Variants in UNC5C observed in about 807,000 individuals in gnomAD.
UNC5C encodes netrin receptor UNC5C.
Under a neutral mutation model 99.8 loss-of-function variants are expected in UNC5C, and 47 were observed. The observed-to-expected ratio is 0.47, with a 90% CI of 0.37 to 0.60. The LOEUF (loss-of-function observed/expected upper bound fraction) is 0.60. Ranked by LOEUF, UNC5C falls within the 20% of genes least tolerant of loss-of-function variation. The pLI, the probability that UNC5C is intolerant of heterozygous loss-of-function variation, is 0.00. For synonymous variants in UNC5C, 487 were observed against 452.2 expected (o/e 1.08, Z -0.98); for missense variants, 1,062 against 1,165.9 (o/e 0.91, Z 1.30).
chr4:95,196,371 T>G (rs1019222886), intron 12 of UNC5C, among the ~76,000 whole-genome samples: 3 of 152,174 alleles, frequency 2.0e-5, no homozygotes, highest in Non-Finnish European at 4.4e-5. Flanking sequence ...TCTTAGCATC[T>G]TTATCCTTTT....
At chr4:95,222,059 C>A (rs781233512) in intron 7 of UNC5C, 3 of 497,774 alleles carry the variant, frequency 6.0e-6, no homozygotes, top group Non-Finnish European at 9.8e-6. Flanking sequence ...TTCTCTTCAG[C>A]AGCAAAAATC....
intron 6 of UNC5C, 109 bp from the exon 7 acceptor site, chr4:95,242,702 T>G: frequency 1.9e-5 from 23 of 1,201,640 alleles, no homozygotes; most frequent in South Asian, 3.3e-5. Flanking sequence ...AAGCATGCCC[T>G]ACTGAGAAGC....
At chr4:95,277,857 G>A (rs923243559) in intron 4 of UNC5C, among the ~76,000 whole-genome samples, 11 of 152,116 alleles carry the variant, frequency 7.2e-5, no homozygotes, top group Non-Finnish European at 1.6e-4. Flanking sequence ...CATATGTAAG[G>A]TGCACAGGCT....
intron 7 of UNC5C, among the ~76,000 whole-genome samples, chr4:95,237,064 G>A (rs1396287768): frequency 6.6e-6 from 1 of 151,910 alleles, no homozygotes; most frequent in African/African-American, 2.4e-5. Flanking sequence ...TCTCTAGGTT[G>A]GTTATAATAC....
At chr4:95,190,448 C>A (rs1459132737) in intron 12 of UNC5C, among the ~76,000 whole-genome samples, 1 of 152,094 alleles carries the variant, frequency 6.6e-6, no homozygotes, top group Non-Finnish European at 1.5e-5. Flanking sequence ...ATGTAACAAA[C>A]CTGCACATTG....
At chr4:95,206,819 C>A in intron 10 of UNC5C, 23 bp from the exon 11 acceptor site, 1 of 1,523,200 alleles carries the variant, frequency 6.6e-7, no homozygotes, top group Non-Finnish European at 8.8e-7. Context: ...CAGAGAATGG[C>A]TTCAGTGACA....
At chr4:95,386,573 T>G (rs1301266602) in intron 1 of UNC5C, among the ~76,000 whole-genome samples, 1 of 152,206 alleles carries the variant, frequency 6.6e-6, no homozygotes, top group Non-Finnish European at 1.5e-5. Flanking sequence ...CACACACCAC[T>G]GTCTCTACCT....
At chr4:95,198,049 G>T (rs1261534245) in intron 12 of UNC5C, among the ~76,000 whole-genome samples, 3 of 148,580 alleles carry the variant, frequency 2.0e-5, no homozygotes, top group Non-Finnish European at 4.4e-5. Context: ...GTGCCGTGGT[G>T]CGATCTCTGC....
chr4:95,176,604 G>C (rs1044767479), intron 14 of UNC5C, among the ~76,000 whole-genome samples: 27 of 152,144 alleles, frequency 1.8e-4, no homozygotes, highest in Non-Finnish European at 1.5e-5. Flanking sequence ...CCCGTTCTCA[G>C]ATCTCCAGCT....
intron 1 of UNC5C, among the ~76,000 whole-genome samples, chr4:95,429,943 C>A (rs1746586452): frequency 6.6e-6 from 1 of 152,030 alleles, no homozygotes; most frequent in Non-Finnish European, 1.5e-5. Flanking sequence ...AATTATATGT[C>A]ATTCTAGAAA....
chr4:95,378,536 A>T (rs1744963460), intron 1 of UNC5C, among the ~76,000 whole-genome samples: 1 of 152,172 alleles, frequency 6.6e-6, no homozygotes, highest in Admixed American at 6.5e-5. Flanking sequence ...CCACAGAGTA[A>T]TAGCTTTTGA....
intron 9 of UNC5C, among the ~76,000 whole-genome samples, chr4:95,218,302 A>G (rs1265504720): frequency 6.6e-6 from 1 of 152,226 alleles, no homozygotes; most frequent in Non-Finnish European, 1.5e-5. Context: ...AGTATCAGGC[A>G]TTAACCTTCA....
At chr4:95,385,728 C>T (rs1017256162) in intron 1 of UNC5C, among the ~76,000 whole-genome samples, 6 of 152,148 alleles carry the variant, frequency 3.9e-5, no homozygotes, top group African/African-American at 1.4e-4. Context: ...AGTAGACAGA[C>T]TACATGGAGG....
intron 1 of UNC5C, among the ~76,000 whole-genome samples, chr4:95,500,206 G>T (rs912513317): frequency 6.6e-6 from 1 of 151,920 alleles, no homozygotes; most frequent in African/African-American, 2.4e-5. Flanking sequence ...TTTCCATTTT[G>T]GTTTCATTCT....
chr4:95,476,675 G>C (rs1415223810), intron 1 of UNC5C, among the ~76,000 whole-genome samples: 1 of 151,900 alleles, frequency 6.6e-6, no homozygotes, highest in Non-Finnish European at 1.5e-5. Flanking sequence ...TTTGAAGAAA[G>C]GCATGCAACT....
chr4:95,446,050 T>C (rs12641833), intron 1 of UNC5C, among the ~76,000 whole-genome samples: 3,216 of 152,150 alleles, frequency 0.021, 47 homozygotes, highest in Middle Eastern at 0.054. Flanking sequence ...ATAAAGTACC[T>C]AGAATAAAGG....
chr4:95,295,535 A>G (rs1741642041), intron 3 of UNC5C, among the ~76,000 whole-genome samples: 2 of 152,330 alleles, frequency 1.3e-5, no homozygotes, highest in Admixed American at 6.5e-5. Flanking sequence ...AAATACATAA[A>G]TTAATAGTCA....
chr4:95,493,353 A>C (rs1213144356), intron 1 of UNC5C, among the ~76,000 whole-genome samples: 1 of 151,460 alleles, frequency 6.6e-6, no homozygotes, highest in Admixed American at 6.6e-5. Flanking sequence ...CAATCCAATT[A>C]CAATGCGGAA....
chr4:95,169,119 C>T lies in UNC5C; in HGVS notation c.*115G>A, dbSNP rs921761493. On this transcript the variant is annotated 3_prime_UTR_variant, in exon 16 of 16. Transcript: ENST00000453304. ...TTTTCCTTCTGGCTCCTGCTGCAGT[C>T]TTGCCTGTGAAGTGCATTGGTCTCA... 7.4e-7 allele frequency: 1 copy of T among 1,342,768 alleles called. No individual in the cohort carries two copies. Among genetic ancestry groups the T allele is most frequent in the Non-Finnish European group, 1.0e-6 (1 of 969,758 alleles). The allele number at this position is 1,342,768 out of a possible 1,614,324, so 83.2% of individuals were successfully genotyped here.
Sources: gnomAD v4.1 joint callset for allele counts (sites outside exome capture counted in the v4.1 genomes callset) on GRCh38, gnomAD v4.1.1 for gene constraint, MANE v1.5 for transcripts, NCBI Gene and HGNC (gene_info 2026-07-23, HGNC 2026-07-21) for gene names.